GINS3: variants seen among roughly 807,000 people sequenced by gnomAD.
The protein encoded by GINS3 is GINS complex subunit 3.
Under a neutral mutation model 20.0 loss-of-function variants are expected in GINS3, and 18 were observed. The observed-to-expected ratio is 0.90, with a 90% CI of 0.62 to 1.33. The LOEUF is 1.33. GINS3 is among the 40% of genes most tolerant of loss of function. The pLI is 0.00. For missense variants in GINS3, 254 were observed against 273.6 expected, an observed-to-expected ratio of 0.93 and a Z score of 0.51; for synonymous variants, 109 against 107.0, an observed-to-expected ratio of 1.02 and a Z score of -0.12.
Position 58,404,959 on chromosome 16 carries a change from C to T in GINS3, c.*230C>T. 2.0e-6 allele frequency: 1 copy of T among 509,400 alleles called. No individual in the cohort carries two copies. Among genetic ancestry groups the T allele is most frequent in the East Asian group, 3.3e-5 (1 of 30,598 alleles). 31.6% of individuals were successfully genotyped at this position (509,400 alleles called of 1,614,324 possible). On this transcript the variant is annotated 3_prime_UTR_variant, in exon 3 of 3. Coordinates refer to ENST00000318129, the MANE Select transcript of GINS3 (RefSeq NM_022770.4). The stretch of plus-strand genomic sequence containing the variant: ...CTGACCCACAGCCCAGGCCCTTTAA[C>T]CCAAGAACCCATGGCCAAGGAGAAA...
chr16:58,395,277 T>C (rs1207279196), intron 1 of GINS3: 4 of 346,972 alleles, frequency 1.2e-5, no homozygotes, highest in African/African-American at 2.2e-5. Context: ...ATTTTCTTTT[T>C]TTTTTTTTTC....
chr16:58,392,918 G>A, intron 1 of GINS3, 131 bp downstream of exon 1: 8 of 977,274 alleles, frequency 8.2e-6, no homozygotes, highest in Non-Finnish European at 1.2e-5. Context: ...GGCCGAAGGC[G>A]CTAACGACTT....
chr16:58,394,606 C>T (rs1166207752), intron 1 of GINS3, among the ~76,000 whole-genome samples: 1 of 152,196 alleles, frequency 6.6e-6, no homozygotes, highest in Non-Finnish European at 1.5e-5. Context: ...CTCAGCCTCC[C>T]AAAGTACTGG....
chr16:58,395,937 CG>C (rs1442226473), intron 1 of GINS3, among the ~76,000 whole-genome samples: 2 of 149,988 alleles, frequency 1.3e-5, no homozygotes, highest in African/African-American at 2.5e-5. Flanking sequence ...ACCTCCCGGA[CG>C]GGGCGGCTGG....
chr16:58,393,317 C>T (rs963788025), intron 1 of GINS3, among the ~76,000 whole-genome samples: 1 of 152,120 alleles, frequency 6.6e-6, no homozygotes, highest in African/African-American at 2.4e-5. Flanking sequence ...TCCCTTTAAT[C>T]CTTCAGCAAC....
In GINS3 at chr16:58,403,804, G is replaced by A. The variant is rs529678778; in HGVS notation, c.420+473G>A. 4.2e-5 allele frequency: 7 copies of A among 167,092 alleles called. No homozygotes were observed. The South Asian group carries it at 9.0e-4, about 21-fold the overall frequency. The allele number at this position is 167,092 out of a possible 1,614,324, so 10.4% of individuals were successfully genotyped here. A position where few individuals can be genotyped will look rare whatever the true frequency, so the allele number is the denominator to read the frequency against. On this transcript the variant is annotated intron_variant, in intron 2 of 2. Coordinates refer to ENST00000318129, the MANE Select transcript of GINS3 (RefSeq NM_022770.4). ...CAGGCACTTAGATACACAGTCCCAG[G>A]CCTGGCCTAAGGGTTCCTGTTGGAA... is the stretch of plus-strand genomic sequence containing the variant.
At chr16:58,397,022 C>A (rs1965883082) in intron 1 of GINS3, among the ~76,000 whole-genome samples, 1 of 144,576 alleles carries the variant, frequency 6.9e-6, no homozygotes, top group African/African-American at 2.7e-5. Context: ...GGGGGCTGAC[C>A]CCCCCACCTC....
intron 1 of GINS3, among the ~76,000 whole-genome samples, chr16:58,399,085 G>T (rs966868000): frequency 6.6e-6 from 1 of 151,822 alleles, no homozygotes; most frequent in Non-Finnish European, 1.5e-5. Flanking sequence ...AGGTGGAGGT[G>T]AGAGGATCAC....
intron 1 of GINS3, among the ~76,000 whole-genome samples, chr16:58,396,327 A>G: frequency 8.9e-6 from 1 of 112,332 alleles, no homozygotes; most frequent in South Asian, 3.0e-4. Flanking sequence ...CTCACTTACC[A>G]GTAGGGGCGG....
intron 1 of GINS3, among the ~76,000 whole-genome samples, chr16:58,397,918 A>G (rs1261167316): frequency 6.6e-6 from 1 of 152,202 alleles, no homozygotes; most frequent in Non-Finnish European, 1.5e-5. Flanking sequence ...TTTTAATGTC[A>G]GTAGGATTAC....
At chr16:58,399,997 C>T (rs551755944) in intron 1 of GINS3, among the ~76,000 whole-genome samples, 27 of 152,248 alleles carry the variant, frequency 1.8e-4, no homozygotes, top group Non-Finnish European at 3.2e-4. Context: ...CTTTTCATGA[C>T]TTGTTTTTCC....
intron 1 of GINS3, among the ~76,000 whole-genome samples, chr16:58,400,710 T>G (rs1390095056): frequency 6.6e-6 from 1 of 152,144 alleles, no homozygotes; most frequent in African/African-American, 2.4e-5. Flanking sequence ...TTTCACTGGG[T>G]ATAAGATTTT....
intron 1 of GINS3, chr16:58,395,270 T>TGC: frequency 5.4e-6 from 2 of 372,588 alleles, no homozygotes; most frequent in South Asian, 2.9e-4. Context: ...TGTCTAAATT[T>TGC]TCTTTTTTTT....
intron 1 of GINS3, among the ~76,000 whole-genome samples, chr16:58,395,380 G>A (rs1166769845): frequency 1.3e-5 from 2 of 150,192 alleles, no homozygotes; most frequent in Admixed American, 6.7e-5. Context: ...CTCGCAAAGG[G>A]GGATTTGGCA....
intron 1 of GINS3, among the ~76,000 whole-genome samples, chr16:58,401,014 C>T (rs1177841676): frequency 6.6e-6 from 1 of 151,962 alleles, no homozygotes; most frequent in East Asian, 1.9e-4. Flanking sequence ...GGGGTTTCAC[C>T]ATGTTGGTCA....
chr16:58,397,021 C>T (rs1009383877), intron 1 of GINS3, among the ~76,000 whole-genome samples: 23 of 137,402 alleles, frequency 1.7e-4, no homozygotes, highest in Non-Finnish European at 2.6e-4. Context: ...GGGGGGCTGA[C>T]CCCCCCACCT....
chr16:58,397,626 G>A (rs1250535193), intron 1 of GINS3, among the ~76,000 whole-genome samples: 3 of 152,146 alleles, frequency 2.0e-5, no homozygotes, highest in Non-Finnish European at 4.4e-5. Flanking sequence ...CCAACACAGC[G>A]AAACCCCGTC....
intron 1 of GINS3, among the ~76,000 whole-genome samples, chr16:58,397,045 G>A (rs1019387938): frequency 3.3e-5 from 5 of 150,056 alleles, no homozygotes; most frequent in Non-Finnish European, 1.5e-5. Context: ...TTCCGGACAG[G>A]GCGGCTGGCC....
In GINS3 at chr16:58,398,116, A is replaced by AT. The variant is rs145761929; in HGVS notation, c.187-4979dup. On this transcript the variant is annotated intron_variant, in intron 1 of 2. Coordinates refer to ENST00000318129, the MANE Select transcript of GINS3 (RefSeq NM_022770.4). Reference sequence around the variant, plus strand: ...TTAATTAGTTCTTTCCTTCTACTTTATTTGGGCTTAATTCTCCCACCACAC... The same window carrying AT: ...TTAATTAGTTCTTTCCTTCTACTTTATTTTGGGCTTAATTCTCCCACCACAC... 4.0e-3 allele frequency among the ~76,000 whole-genome samples: 600 copies of AT among 151,750 alleles called. 17 individuals are homozygous for AT. In the East Asian group the frequency reaches 0.065, roughly 16 times the overall value.
Sources: gnomAD v4.1 joint callset for allele counts (sites outside exome capture counted in the v4.1 genomes callset) on GRCh38, gnomAD v4.1.1 for gene constraint, MANE v1.5 for transcripts, NCBI Gene and HGNC (gene_info 2026-07-23, HGNC 2026-07-21) for gene names.